Variants in CHST7 observed in about 807,000 individuals in gnomAD.
CHST7 encodes the protein N-acetylglucosamine 6-O-sulfotransferase 4.
A neutral mutation model predicts 9.0 loss-of-function variants in CHST7; 5 were observed. That is an observed-to-expected ratio of 0.56 (90% CI 0.29 to 1.17). The LOEUF is 1.17. CHST7 is among the 50% of genes most tolerant of loss of function. The probability of loss-of-function intolerance (pLI) is 0.08; values close to 1 mark genes in which losing one functional copy is unlikely to be tolerated. For missense variants in CHST7, 377 were observed against 485.1 expected, an observed-to-expected ratio of 0.78 and a Z score of 2.09; for synonymous variants, 244 against 237.1, an observed-to-expected ratio of 1.03 and a Z score of -0.27.
At chrX:46,594,791 G>T (rs1448585146) in intron 1 of CHST7, among the ~76,000 whole-genome samples, 1 of 111,355 alleles carries the variant, frequency 9.0e-6, no homozygotes, top group Non-Finnish European at 1.9e-5. Context: ...TCTTGAATCT[G>T]TAAATTTATG....
Position 46,573,899 on chromosome X carries a change from G to T in CHST7, c.-33G>T. ...GATTTCTGAGGAACGGGAGAAGACT[G>T]GCGCCCGACCCGCTCTGGAGGGTCG... is the stretch of plus-strand genomic sequence containing the variant. On this transcript the variant is annotated 5_prime_UTR_variant, in exon 1 of 2. Transcript: ENST00000276055. The T allele has an allele frequency of 8.7e-7, 1 of 1,154,437 alleles. No individual in the cohort carries two copies. The highest frequency in any genetic ancestry group is 1.1e-6 in the Non-Finnish European group (1 of 872,250).
chrX:46,579,236 A>T (rs1188770437), intron 1 of CHST7, among the ~76,000 whole-genome samples: 1 of 112,349 alleles, frequency 8.9e-6, no homozygotes, highest in Admixed American at 9.4e-5. Context: ...GTAGAGTGTT[A>T]TTATGGAAAG....
At position 46,573,923 on chromosome X, in the gene CHST7, C is replaced by A. The variant is rs1942480147; in HGVS notation, c.-9C>A. The A allele has an allele frequency of 8.7e-7, 1 of 1,155,734 alleles. No individual in the cohort carries two copies. Among genetic ancestry groups the A allele is most frequent in the Non-Finnish European group, 1.1e-6 (1 of 872,676 alleles). On this transcript the variant is annotated 5_prime_UTR_variant, in exon 1 of 2. Coordinates refer to ENST00000276055, the MANE Select transcript of CHST7 (RefSeq NM_019886.4). ...TGGCGCCCGACCCGCTCTGGAGGGT[C>A]GGTGAACGATGAAGGGCCGGCGGCG...
In CHST7 at chrX:46,575,434, C is replaced by T; in HGVS notation, c.*31+11C>T. The T allele has an allele frequency of 2.0e-6, 2 of 1,010,524 alleles. No homozygotes were observed. The highest frequency in any genetic ancestry group is 2.5e-6 in the Non-Finnish European group (2 of 800,037). 83.3% of individuals were successfully genotyped at this position (1,010,524 alleles called of 1,213,427 possible). On this transcript the variant is annotated intron_variant, in intron 1 of 1. Coordinates refer to ENST00000276055, the MANE Select transcript of CHST7 (RefSeq NM_019886.4). ...CCGGCACGGATCCGGGTAAGGTGGC[C>T]CGGGGCAAGGCAGGGACCGGGACTG...
intron 1 of CHST7, among the ~76,000 whole-genome samples, chrX:46,585,880 G>A (rs1276203785): frequency 9.0e-6 from 1 of 110,735 alleles, no homozygotes. Context: ...AGAGTATCTG[G>A]GACTACAGGC....
rs1261972662 is a variant in CHST7, at chrX:46,598,433, A to G, written c.*705A>G. 8.9e-6 allele frequency: 1 copy of G among 112,782 alleles called. No homozygotes were observed. The highest frequency in any genetic ancestry group is 1.9e-5 in the Non-Finnish European group (1 of 53,386). 9.3% of individuals were successfully genotyped at this position (112,782 alleles called of 1,213,427 possible). A position where few individuals can be genotyped will look rare whatever the true frequency, so the allele number is the denominator to read the frequency against. ...ATTTGTTTTGTTTGGATGCAGTTCA[A>G]TTGCATGGTTTGGGTAAAAGCTAGC... On this transcript the variant is annotated 3_prime_UTR_variant, in exon 2 of 2. Transcript: ENST00000276055.
chrX:46,583,402 T>C (rs764609748), intron 1 of CHST7, among the ~76,000 whole-genome samples: 3 of 111,757 alleles, frequency 2.7e-5, no homozygotes, highest in East Asian at 2.8e-4. Flanking sequence ...TTGGAGAAAA[T>C]AGAAAATTGC....
chrX:46,597,177 G>C (rs1942598250), intron 1 of CHST7, among the ~76,000 whole-genome samples: 1 of 111,246 alleles, frequency 9.0e-6, no homozygotes, highest in African/African-American at 3.3e-5. Flanking sequence ...GCAAGAAACT[G>C]GTGACAGGAC....
intron 1 of CHST7, among the ~76,000 whole-genome samples, chrX:46,585,710 C>G (rs1337098220): frequency 8.9e-6 from 1 of 112,022 alleles, no homozygotes; most frequent in Non-Finnish European, 1.9e-5. Flanking sequence ...TTATTGAATG[C>G]CTTTTAAAAT....
At chrX:46,592,672 T>A (rs1350252799) in intron 1 of CHST7, among the ~76,000 whole-genome samples, 1 of 111,681 alleles carries the variant, frequency 9.0e-6, no homozygotes, top group Non-Finnish European at 1.9e-5. Flanking sequence ...TGATAGAGGT[T>A]TTTTGATCTT....
At chrX:46,592,245 CTG>C (rs1942576409) in intron 1 of CHST7, among the ~76,000 whole-genome samples, 1 of 110,916 alleles carries the variant, frequency 9.0e-6, no homozygotes, top group Non-Finnish European at 1.9e-5. Flanking sequence ...CTTTTAATGT[CTG>C]TGGTGTCTGT....
chrX:46,578,424 G>C (rs770094202), intron 1 of CHST7, among the ~76,000 whole-genome samples: 1 of 105,581 alleles, frequency 9.5e-6, no homozygotes, highest in Admixed American at 1.0e-4. Flanking sequence ...CCACAGGTGC[G>C]TACCACCACA....
intron 1 of CHST7, among the ~76,000 whole-genome samples, chrX:46,588,593 A>G (rs1942559963): frequency 9.0e-6 from 1 of 111,589 alleles, no homozygotes; most frequent in African/African-American, 3.3e-5. Flanking sequence ...GATGGCAATG[A>G]GGCTATTAGT....
intron 1 of CHST7, among the ~76,000 whole-genome samples, chrX:46,588,476 C>T (rs953540992): frequency 4.5e-5 from 5 of 111,394 alleles, no homozygotes; most frequent in Admixed American, 1.9e-4. Context: ...GCTAAAAGCG[C>T]GTCTTCCTGA....
chrX:46,573,865 C>G lies in CHST7; in HGVS notation c.-67C>G, dbSNP rs1007354557. The G allele has an allele frequency of 3.5e-6, 4 of 1,147,885 alleles. No homozygotes were observed. The South Asian group carries it at 5.8e-5, about 17-fold the overall frequency. The allele number at this position is 1,147,885 out of a possible 1,213,427, so 94.6% of individuals were successfully genotyped here. On this transcript the variant is annotated 5_prime_UTR_variant, in exon 1 of 2. Transcript: ENST00000276055. ...GCCGGGAGAGGCCACAGGAGCGGAC[C>G]TGGCACGGGATTTCTGAGGAACGGG...
chrX:46,593,842 C>G (rs1440963071), intron 1 of CHST7, among the ~76,000 whole-genome samples: 2 of 111,488 alleles, frequency 1.8e-5, no homozygotes, highest in Non-Finnish European at 3.8e-5. Flanking sequence ...TTATCACAGC[C>G]TACTGGTGTC....
At chrX:46,596,946 C>CA (rs55742299) in intron 1 of CHST7, among the ~76,000 whole-genome samples, 884 of 86,893 alleles carry the variant, frequency 0.01, 5 homozygotes, top group Non-Finnish European at 0.015. Context: ...GACTCTGTCT[C>CA]AAAAAAAAAA....
intron 1 of CHST7, among the ~76,000 whole-genome samples, chrX:46,576,381 G>A (rs113004419): frequency 1.2e-4 from 13 of 111,864 alleles, no homozygotes; most frequent in African/African-American, 3.9e-4. Flanking sequence ...ATTGGCAGTA[G>A]CAGTTTGTGA....
intron 1 of CHST7, among the ~76,000 whole-genome samples, chrX:46,586,060 C>T (rs376582142): frequency 5.4e-5 from 6 of 111,742 alleles, no homozygotes; most frequent in African/African-American, 1.9e-4. Context: ...TATTTTTCAA[C>T]AGTCAAAGGG....
Sources: gnomAD v4.1 joint callset for allele counts (sites outside exome capture counted in the v4.1 genomes callset) on GRCh38, gnomAD v4.1.1 for gene constraint, MANE v1.5 for transcripts, NCBI Gene and HGNC (gene_info 2026-07-23, HGNC 2026-07-21) for gene names.